Variants in PPM1H observed in about 807,000 individuals in gnomAD.
The protein encoded by PPM1H is protein phosphatase, Mg2+/Mn2+ dependent 1H, also known as protein phosphatase 1H.
In PPM1H, 27 loss-of-function variants were observed where a neutral mutation model predicts 54.9. The observed-to-expected ratio is 0.49, with a 90% CI of 0.36 to 0.68. The LOEUF is 0.68. PPM1H is among the 30% of genes least tolerant of loss of function. The pLI is 0.00. For missense variants in PPM1H, 596 were observed against 667.8 expected, an observed-to-expected ratio of 0.89 and a Z score of 1.19; for synonymous variants, 305 against 270.8, an observed-to-expected ratio of 1.13 and a Z score of -1.24.
chr12:62,846,324 C>T lies in PPM1H; in HGVS notation c.246-14045G>A, dbSNP rs140771190. On this transcript the variant is annotated intron_variant, in intron 1 of 9. Coordinates refer to ENST00000228705, the MANE Select transcript of PPM1H (RefSeq NM_020700.2). The stretch of plus-strand genomic sequence containing the variant: ...GACCAGCCTAGCCAACATGGCAAAA[C>T]CATCGGTACTAAAAAAAATACAAAA... 4.3e-3 allele frequency among the ~76,000 whole-genome samples: 652 copies of T among 152,040 alleles called. 1 individual carries two copies. Among genetic ancestry groups the T allele is most frequent in the Non-Finnish European group, 5.2e-3 (356 of 67,972 alleles).
chr12:62,761,053 A>G lies in PPM1H; in HGVS notation c.870-23467T>C, dbSNP rs114690112. 3.0e-3 allele frequency among the ~76,000 whole-genome samples: 456 copies of G among 152,352 alleles called. 3 individuals carry two copies. Among genetic ancestry groups the G allele is most frequent in the African/African-American group, 0.01 (431 of 41,584 alleles). ...AGGACTAATCCAGAAAGGAGAAGGA[A>G]TTCTGTTTCATGCAGGCTCCTTGAC... On this transcript the variant is annotated intron_variant, in intron 4 of 9. Transcript: ENST00000228705.
At chr12:62,688,008 C>CAAA (rs57922128) in intron 8 of PPM1H, among the ~76,000 whole-genome samples, 25 of 95,272 alleles carry the variant, frequency 2.6e-4, no homozygotes, top group South Asian at 1.0e-3. Flanking sequence ...GACTCCATCT[C>CAAA]AAAAAAAAAA....
intron 4 of PPM1H, among the ~76,000 whole-genome samples, chr12:62,751,878 C>T (rs1403281351): frequency 6.6e-6 from 1 of 152,190 alleles, no homozygotes; most frequent in Non-Finnish European, 1.5e-5. Flanking sequence ...GGCAGGGAGG[C>T]TCATCTGTGG....
chr12:62,915,368 A>G (rs1280219162), intron 1 of PPM1H, among the ~76,000 whole-genome samples: 2 of 152,240 alleles, frequency 1.3e-5, no homozygotes, highest in African/African-American at 2.4e-5. Context: ...CTGCTCCAGC[A>G]CTGGCTCTGC....
At chr12:62,929,736 T>A (rs1356975815) in intron 1 of PPM1H, among the ~76,000 whole-genome samples, 1 of 152,148 alleles carries the variant, frequency 6.6e-6, no homozygotes, top group African/African-American at 2.4e-5. Context: ...TTCTTTATAA[T>A]GCTATATCTG....
chr12:62,814,441 C>G (rs866498049), intron 2 of PPM1H, among the ~76,000 whole-genome samples: 15 of 152,110 alleles, frequency 9.9e-5, no homozygotes, highest in South Asian at 6.2e-4. Flanking sequence ...GGGTCTCAAA[C>G]TCCTGGCCTC....
At chr12:62,773,539 T>G (rs1034459528) in intron 4 of PPM1H, among the ~76,000 whole-genome samples, 11 of 152,178 alleles carry the variant, frequency 7.2e-5, no homozygotes, top group Admixed American at 2.0e-4. Context: ...ACTTCTCACA[T>G]TGAAGGGCAG....
At chr12:62,927,972 A>G (rs2121185194) in intron 1 of PPM1H, among the ~76,000 whole-genome samples, 1 of 152,340 alleles carries the variant, frequency 6.6e-6, no homozygotes, top group African/African-American at 2.4e-5. Flanking sequence ...GACACAGTGA[A>G]AAACCACCAA....
intron 9 of PPM1H, among the ~76,000 whole-genome samples, chr12:62,664,382 C>T (rs372852513): frequency 1.3e-5 from 2 of 152,268 alleles, no homozygotes; most frequent in African/African-American, 4.8e-5. Context: ...TCCTTTGATT[C>T]ATAAGTTGTT....
intron 9 of PPM1H, among the ~76,000 whole-genome samples, chr12:62,653,908 A>T (rs2075829189): frequency 6.6e-6 from 1 of 151,992 alleles, no homozygotes; most frequent in Non-Finnish European, 1.5e-5. Flanking sequence ...CTAAAATAAC[A>T]ATTGGTCACA....
intron 1 of PPM1H, among the ~76,000 whole-genome samples, chr12:62,869,299 C>G (rs535720676): frequency 2.6e-4 from 40 of 152,194 alleles, no homozygotes; most frequent in African/African-American, 8.7e-4. Context: ...CTTTTACTTT[C>G]AAATGTTTTT....
intron 9 of PPM1H, among the ~76,000 whole-genome samples, chr12:62,659,883 T>G (rs1172643874): frequency 6.6e-6 from 1 of 152,104 alleles, no homozygotes; most frequent in Non-Finnish European, 1.5e-5. Context: ...ACTTTTCCCT[T>G]CTCATTTTGT....
chr12:62,893,317 T>A (rs1333703825), intron 1 of PPM1H, among the ~76,000 whole-genome samples: 1 of 152,184 alleles, frequency 6.6e-6, no homozygotes, highest in Non-Finnish European at 1.5e-5. Flanking sequence ...AACATCAAGA[T>A]GTCAGCAGAG....
chr12:62,920,993 T>C (rs886574099), intron 1 of PPM1H, among the ~76,000 whole-genome samples: 1 of 152,078 alleles, frequency 6.6e-6, no homozygotes, highest in Non-Finnish European at 1.5e-5. Context: ...AGAGTGATCC[T>C]GATTCACTGC....
intron 1 of PPM1H, among the ~76,000 whole-genome samples, chr12:62,902,302 C>T (rs974410036): frequency 2.0e-5 from 3 of 151,392 alleles, no homozygotes; most frequent in African/African-American, 4.9e-5. Context: ...TGCAGTGAGC[C>T]GAGATCGCAC....
intron 6 of PPM1H, among the ~76,000 whole-genome samples, chr12:62,701,365 C>T (rs1011700300): frequency 2.0e-5 from 3 of 152,186 alleles, no homozygotes; most frequent in Non-Finnish European, 4.4e-5. Flanking sequence ...GCAGCCACAC[C>T]GAAGCCCTTT....
chr12:62,854,300 G>T (rs1869304226), intron 1 of PPM1H, among the ~76,000 whole-genome samples: 1 of 152,210 alleles, frequency 6.6e-6, no homozygotes, highest in African/African-American at 2.4e-5. Context: ...CATAGCCAGA[G>T]TTTTTCTTAA....
At chr12:62,861,726 G>A (rs938729867) in intron 1 of PPM1H, among the ~76,000 whole-genome samples, 1 of 152,136 alleles carries the variant, frequency 6.6e-6, no homozygotes, top group African/African-American at 2.4e-5. Flanking sequence ...CCTTAAGCAG[G>A]GCATAGACCC....
intron 1 of PPM1H, among the ~76,000 whole-genome samples, chr12:62,877,813 C>G (rs78273095): frequency 1.8e-3 from 279 of 152,266 alleles, no homozygotes; most frequent in African/African-American, 6.6e-3. Context: ...CATTCAACTC[C>G]CAGTCAATGA....
Sources: gnomAD v4.1 joint callset for allele counts (sites outside exome capture counted in the v4.1 genomes callset) on GRCh38, gnomAD v4.1.1 for gene constraint, MANE v1.5 for transcripts, NCBI Gene and HGNC (gene_info 2026-07-23, HGNC 2026-07-21) for gene names.